Variants in PTPRR observed in about 807,000 individuals in gnomAD.
PTPRR encodes the protein receptor-type tyrosine-protein phosphatase R.
A neutral mutation model predicts 77.2 loss-of-function variants in PTPRR; 38 were observed. The ratio of observed to expected loss-of-function variants is 0.49; its 90% CI spans 0.38 to 0.65. The LOEUF (loss-of-function observed/expected upper bound fraction) is 0.65. Ranked by LOEUF, PTPRR falls within the 30% of genes least tolerant of loss-of-function variation. The probability of loss-of-function intolerance (pLI) is 0.00; values close to 1 mark genes in which losing one functional copy is unlikely to be tolerated. For synonymous variants in PTPRR, 299 were observed against 283.1 expected, an observed-to-expected ratio of 1.06 and a Z score of -0.57; for missense variants, 744 against 799.2, an observed-to-expected ratio of 0.93 and a Z score of 0.83.
intron 2 of PTPRR, among the ~76,000 whole-genome samples, chr12:70,847,684 A>G (rs1036401012): frequency 6.6e-6 from 1 of 152,122 alleles, no homozygotes; most frequent in African/African-American, 2.4e-5. Context: ...GTCCATAATG[A>G]GCTTTGGATT....
chr12:70,853,900 T>C (rs1031967198), intron 2 of PTPRR, among the ~76,000 whole-genome samples: 6 of 152,226 alleles, frequency 3.9e-5, no homozygotes, highest in Admixed American at 6.5e-5. Context: ...TTACTCTTAC[T>C]GTACATCAAA....
In PTPRR at chr12:70,738,297, T is replaced by G. The variant is rs75573639; in HGVS notation, c.1007+7521A>C. 3.7e-3 allele frequency among the ~76,000 whole-genome samples: 560 copies of G among 152,294 alleles called. 3 individuals are homozygous for G. Among genetic ancestry groups the G allele is most frequent in the African/African-American group, 0.012 (511 of 41,572 alleles). On this transcript the variant is annotated intron_variant, in intron 6 of 13. Transcript: ENST00000283228. ...TGAAGAAAAGTTAGTGAATGTTTGT[T>G]CGTTGGATATCAGCAACCCTTGGGG...
At chr12:70,756,822 GA>G (rs1412384122) in intron 4 of PTPRR, among the ~76,000 whole-genome samples, 1 of 152,118 alleles carries the variant, frequency 6.6e-6, no homozygotes, top group Non-Finnish European at 1.5e-5. Context: ...TGCAGAAGGA[GA>G]TCCCAAATGC....
intron 1 of PTPRR, among the ~76,000 whole-genome samples, chr12:70,912,763 C>T (rs77953837): frequency 6.6e-6 from 1 of 152,060 alleles, no homozygotes; most frequent in African/African-American, 2.4e-5. Flanking sequence ...TGGCAAATAT[C>T]ATTACTATAG....
At chr12:70,900,446 C>T (rs1893512091) in intron 1 of PTPRR, among the ~76,000 whole-genome samples, 1 of 151,358 alleles carries the variant, frequency 6.6e-6, no homozygotes, top group Non-Finnish European at 1.5e-5. Context: ...GCAAAAATCT[C>T]CACAACATTA....
At chr12:70,668,492 T>C (rs1887096246) in intron 10 of PTPRR, among the ~76,000 whole-genome samples, 1 of 152,344 alleles carries the variant, frequency 6.6e-6, no homozygotes, top group South Asian at 2.1e-4. Flanking sequence ...GTATATTTGT[T>C]GAACCTTCTA....
intron 7 of PTPRR, 144 bp from the exon 8 acceptor site, chr12:70,698,493 C>T: frequency 3.3e-6 from 2 of 609,046 alleles, no homozygotes; most frequent in Admixed American, 5.6e-5. Context: ...GACCAACACC[C>T]TTCCTTTCCT....
At chr12:70,736,608 A>C (rs1317288620) in intron 6 of PTPRR, among the ~76,000 whole-genome samples, 4 of 152,202 alleles carry the variant, frequency 2.6e-5, no homozygotes, top group African/African-American at 4.8e-5. Flanking sequence ...GAGGGGATAA[A>C]AAGTCCCTTG....
intron 2 of PTPRR, among the ~76,000 whole-genome samples, chr12:70,853,014 C>T (rs1393007368): frequency 6.6e-6 from 1 of 152,134 alleles, no homozygotes; most frequent in Non-Finnish European, 1.5e-5. Flanking sequence ...TCATGACTAC[C>T]GTTCACGGGC....
At chr12:70,863,675 A>T (rs536981730) in intron 2 of PTPRR, among the ~76,000 whole-genome samples, 2 of 148,876 alleles carry the variant, frequency 1.3e-5, no homozygotes, top group East Asian at 1.9e-4. Context: ...TGAACCAATT[A>T]TCTATTGTTT....
In PTPRR at chr12:70,920,647, C is replaced by T; in HGVS notation, c.-257G>A. 2.5e-6 allele frequency: 1 copy of T among 400,808 alleles called. No homozygotes were observed. Among genetic ancestry groups the T allele is most frequent in the Non-Finnish European group, 4.7e-6 (1 of 213,140 alleles). 24.8% of individuals were successfully genotyped at this position (400,808 alleles called of 1,614,324 possible). ...GCGCTCAGAGGCGGCAAATGCCTGG[C>T]CTTCTGGACGCCCAGAAGCCAAGGC... On this transcript the variant is annotated 5_prime_UTR_variant, in exon 1 of 14. Coordinates refer to ENST00000283228, the MANE Select transcript of PTPRR (RefSeq NM_002849.4).
Position 70,654,862 on chromosome 12 carries a change from C to T in PTPRR, c.1880+1842G>A, listed in dbSNP as rs183334743. Among the ~76,000 whole-genome samples, 640 of 152,266 alleles carry T rather than the reference C, an allele frequency of 4.2e-3. 3 individuals carry two copies. The highest frequency in any genetic ancestry group is 0.015 in the African/African-American group (619 of 41,550). On this transcript the variant is annotated intron_variant, in intron 13 of 13. Coordinates refer to ENST00000283228, the MANE Select transcript of PTPRR (RefSeq NM_002849.4). ...GTCTCACTTTGTTGCTCAGGCTGGTCACAAACTCCTGAACTCAAGGGATCC... is the reference window on the plus strand; with the variant it reads ...GTCTCACTTTGTTGCTCAGGCTGGTTACAAACTCCTGAACTCAAGGGATCC...
At chr12:70,765,377 G>T (rs565009547) in intron 2 of PTPRR, among the ~76,000 whole-genome samples, 1 of 152,200 alleles carries the variant, frequency 6.6e-6, no homozygotes. Context: ...CTGGCTTGGA[G>T]GGTCCTATGC....
chr12:70,914,102 T>A (rs1893740209), intron 1 of PTPRR, among the ~76,000 whole-genome samples: 1 of 152,088 alleles, frequency 6.6e-6, no homozygotes, highest in South Asian at 2.1e-4. Context: ...CTGATCAACA[T>A]TTGAAGTTGG....
chr12:70,728,527 GAATATATA>G (rs1262984450), intron 6 of PTPRR, among the ~76,000 whole-genome samples: 17 of 48,168 alleles, frequency 3.5e-4, no homozygotes, highest in African/African-American at 1.8e-3. Flanking sequence ...TCCAAAATCT[GAATATATA>G]TATATATATA....
Position 70,759,700 on chromosome 12 carries a change from A to AC in PTPRR, c.627+1770_627+1771insG, listed in dbSNP as rs1325902919. Among the ~76,000 whole-genome samples, 1,308 of 150,082 alleles carry AC rather than the reference A, an allele frequency of 8.7e-3. 28 individuals are homozygous for AC. The highest frequency in any genetic ancestry group is 0.03 in the African/African-American group (1,234 of 40,718). Reference sequence around the variant, plus strand: ...GTCTTAAAAAAAAAAAAAAAAAAAAAAAAAAACAAACGAAAGGTATGTAGA... The same window carrying AC: ...GTCTTAAAAAAAAAAAAAAAAAAAAACAAAAAACAAACGAAAGGTATGTAGA... On this transcript the variant is annotated intron_variant, in intron 4 of 13. Transcript: ENST00000283228.
At chr12:70,683,749 G>T (rs1300820972) in intron 10 of PTPRR, among the ~76,000 whole-genome samples, 6 of 152,242 alleles carry the variant, frequency 3.9e-5, no homozygotes, top group Non-Finnish European at 4.4e-5. Context: ...AGGGATCTTG[G>T]TGTGTTTTGT....
intron 2 of PTPRR, among the ~76,000 whole-genome samples, chr12:70,862,094 G>A (rs147680228): frequency 6.6e-6 from 1 of 152,210 alleles, no homozygotes; most frequent in African/African-American, 2.4e-5. Flanking sequence ...AGAAAGTAAG[G>A]TAGTTGTTCA....
At chr12:70,887,671 G>A (rs1441224823) in intron 2 of PTPRR, among the ~76,000 whole-genome samples, 1 of 152,116 alleles carries the variant, frequency 6.6e-6, no homozygotes, top group Admixed American at 6.5e-5. Context: ...AACAGCAAGA[G>A]TAAAATTCCT....
Sources: gnomAD v4.1 joint callset for allele counts (sites outside exome capture counted in the v4.1 genomes callset) on GRCh38, gnomAD v4.1.1 for gene constraint, MANE v1.5 for transcripts, NCBI Gene and HGNC (gene_info 2026-07-23, HGNC 2026-07-21) for gene names.